SETD5: variants seen among roughly 807,000 people sequenced by gnomAD.
The protein encoded by SETD5 is SET domain containing 5.
In SETD5, 44 loss-of-function variants were observed where a neutral mutation model predicts 153.3. The ratio of observed to expected loss-of-function variants is 0.29; its 90% CI spans 0.23 to 0.37. SETD5 has a LOEUF of 0.37. Ranked by LOEUF, SETD5 falls within the 10% of genes least tolerant of loss-of-function variation. The probability of loss-of-function intolerance (pLI) is 1.00; values close to 1 mark genes in which losing one functional copy is unlikely to be tolerated. For missense variants in SETD5, 1,544 were observed against 1,768.0 expected, an observed-to-expected ratio of 0.87 and a Z score of 2.27; for synonymous variants, 716 against 645.2, an observed-to-expected ratio of 1.11 and a Z score of -1.66.
At chr3:9,437,661 A>G (rs1053173791) in intron 7 of SETD5, among the ~76,000 whole-genome samples, 2 of 152,152 alleles carry the variant, frequency 1.3e-5, no homozygotes, top group Non-Finnish European at 2.9e-5. Flanking sequence ...CCTAAATGAT[A>G]CAAAAGCAGG....
At position 9,448,536 on chromosome 3, in the gene SETD5, C is replaced by G. The variant is rs1351619898; in HGVS notation, c.2252C>G (p.Thr751Ser). The G allele has an allele frequency of 6.2e-7, 1 of 1,613,950 alleles. No homozygotes were observed. The highest frequency in any genetic ancestry group is 2.2e-5 in the East Asian group (1 of 44,880). The change falls in exon 16 of 23, where the codon ACC becomes AGC. Residue 751 changes from threonine (T) to serine (S), a missense_variant. Coordinates refer to ENST00000402198, the MANE Select transcript of SETD5 (RefSeq NM_001080517.3). Reference protein sequence around the residue: ...GLIHSPLICTTPKHYIRFGSP... With the variant: ...GLIHSPLICTSPKHYIRFGSP... ...ATCCATTCCCCGTTAATTTGCACCA[C>G]CCCCAAACACTACATTCGCTTTGGC...
At chr3:9,453,172 C>T (rs140367521) in intron 16 of SETD5, among the ~76,000 whole-genome samples, 107 of 152,170 alleles carry the variant, frequency 7.0e-4, no homozygotes, top group African/African-American at 2.4e-3. Flanking sequence ...TTTAACCAAA[C>T]TACTTGTTGG....
intron 10 of SETD5, among the ~76,000 whole-genome samples, chr3:9,442,609 G>A (rs148714478): frequency 1.0e-3 from 154 of 152,266 alleles, no homozygotes; most frequent in African/African-American, 3.6e-3. Flanking sequence ...AGTGAGTAAT[G>A]TTTTATGAGA....
At chr3:9,446,600 C>T (rs2042043285) in intron 13 of SETD5, among the ~76,000 whole-genome samples, 1 of 151,822 alleles carries the variant, frequency 6.6e-6, no homozygotes, top group Non-Finnish European at 1.5e-5. Context: ...TCAAGCAATT[C>T]CCCTTCCTTA....
At chr3:9,451,603 G>A (rs940831760) in intron 16 of SETD5, among the ~76,000 whole-genome samples, 11 of 152,006 alleles carry the variant, frequency 7.2e-5, no homozygotes, top group African/African-American at 1.2e-4. Context: ...ACACCACCAC[G>A]CCTGGCTAAT....
At chr3:9,452,539 A>C (rs868477886) in intron 16 of SETD5, among the ~76,000 whole-genome samples, 1 of 152,080 alleles carries the variant, frequency 6.6e-6, no homozygotes. Flanking sequence ...ACGTGATTCA[A>C]ATTACCATTG....
intron 7 of SETD5, among the ~76,000 whole-genome samples, chr3:9,437,727 G>T (rs941253055): frequency 6.6e-6 from 1 of 152,096 alleles, no homozygotes; most frequent in Non-Finnish European, 1.5e-5. Context: ...GTAAGGCCAG[G>T]CGCAGTAGCT....
intron 17 of SETD5, among the ~76,000 whole-genome samples, chr3:9,454,313 T>C (rs937483899): frequency 6.6e-6 from 1 of 152,058 alleles, no homozygotes; most frequent in Admixed American, 6.6e-5. Context: ...GCTTGTATAA[T>C]TAGCATACAA....
At chr3:9,441,834 G>C in intron 9 of SETD5, 93 bp downstream of exon 9, 1 of 1,508,190 alleles carries the variant, frequency 6.6e-7, no homozygotes, top group Non-Finnish European at 9.1e-7. Context: ...AGACGCTCTT[G>C]GGAGAAAAAA....
chr3:9,415,113 A>T (rs1021097323), intron 1 of SETD5, among the ~76,000 whole-genome samples: 2 of 152,178 alleles, frequency 1.3e-5, no homozygotes, highest in Non-Finnish European at 2.9e-5. Context: ...AAGTTTAAAT[A>T]TGGTATATGG....
intron 21 of SETD5, 56 bp downstream of exon 21, chr3:9,474,638 G>C: frequency 6.3e-7 from 1 of 1,599,570 alleles, no homozygotes. Flanking sequence ...GCCGAGTCCT[G>C]TACAGTTCAT....
chr3:9,444,892 A>G (rs541724685), intron 11 of SETD5, among the ~76,000 whole-genome samples, 156 bp from the exon 12 acceptor site: 1 of 152,324 alleles, frequency 6.6e-6, no homozygotes, highest in South Asian at 2.1e-4. Context: ...AAAGAAAAAC[A>G]AAAGTATTTA....
intron 10 of SETD5, 198 bp from the exon 11 acceptor site, chr3:9,443,110 A>C: frequency 2.1e-6 from 1 of 473,616 alleles, no homozygotes; most frequent in East Asian, 3.9e-5. Context: ...CATATTTAAG[A>C]AAGTATTATA....
intron 1 of SETD5, among the ~76,000 whole-genome samples, chr3:9,413,649 G>GGT (rs1160123997): frequency 0.083 from 11,714 of 140,392 alleles, 691 homozygotes; most frequent in African/African-American, 0.18. Flanking sequence ...GGGGAGGCGG[G>GGT]GTGTGTGTGT....
In SETD5 at chr3:9,443,388, C is replaced by G. The variant is rs2041542407; in HGVS notation, c.1158C>G (p.Thr386=). ...CCATCACCAAGGATGCTGAGGTCAC[C>G]ATAGCATTTGATTATGAGTATAGTA... The part of the protein sequence containing the change: ...VSAITKDAEV[T]IAFDYEYSNC... Residue 386 remains threonine (T), a synonymous_variant, in exon 11 of 23, where the codon ACC becomes ACG. Coordinates refer to ENST00000402198, the MANE Select transcript of SETD5 (RefSeq NM_001080517.3). 2.0e-6 allele frequency: 3 copies of G among 1,468,064 alleles called. No individual in the cohort carries two copies. Among genetic ancestry groups the G allele is most frequent in the Non-Finnish European group, 2.7e-6 (3 of 1,107,040 alleles). The allele number at this position is 1,468,064 out of a possible 1,614,324, so 90.9% of individuals were successfully genotyped here. A position where few individuals can be genotyped will look rare whatever the true frequency, so the allele number is the denominator to read the frequency against.
In SETD5 at chr3:9,429,276, A is replaced by T. The variant is rs535639388; in HGVS notation, c.71+267A>T. 2.0e-3 allele frequency: 490 copies of T among 249,028 alleles called. 3 individuals carry two copies. Among genetic ancestry groups the T allele is most frequent in the Non-Finnish European group, 3.1e-3 (397 of 126,486 alleles). 15.4% of individuals were successfully genotyped at this position (249,028 alleles called of 1,614,324 possible). On this transcript the variant is annotated intron_variant, in intron 3 of 22. Coordinates refer to ENST00000402198, the MANE Select transcript of SETD5 (RefSeq NM_001080517.3). ...TAGGAATTCATTTTCATTTGTTTTAATGGGTGGAGAAAATTGGAATAAAGT... is the reference window on the plus strand; with the variant it reads ...TAGGAATTCATTTTCATTTGTTTTATTGGGTGGAGAAAATTGGAATAAAGT...
chr3:9,404,422 A>G (rs1424611773), intron 1 of SETD5, among the ~76,000 whole-genome samples: 1 of 152,210 alleles, frequency 6.6e-6, no homozygotes, highest in Non-Finnish European at 1.5e-5. Context: ...TGAGTAATTA[A>G]TTATTATTGT....
chr3:9,398,273 C>T (rs1422742871), intron 1 of SETD5: 2 of 152,110 alleles, frequency 1.3e-5, no homozygotes, highest in East Asian at 1.9e-4. Context: ...ACCCCCTTTC[C>T]TGGGAACTGC....
In SETD5 at chr3:9,467,199, C is replaced by CAAAAA. The variant is rs35894304; in HGVS notation, c.2724+2548_2724+2552dup. 5.2e-3 allele frequency among the ~76,000 whole-genome samples: 214 copies of CAAAAA among 40,784 alleles called. 1 individual carries two copies. Among genetic ancestry groups the CAAAAA allele is most frequent in the East Asian group, 0.013 (19 of 1,462 alleles). The allele number at this position is 40,784 out of a possible 152,430, so 26.8% of individuals were successfully genotyped here. ...TGGGCAACAGAGGGAGACTCTCTCT[C>CAAAAA]AAAAAAAAAAAAAAAAAAAAAAAAA... is the stretch of plus-strand genomic sequence containing the variant. On this transcript the variant is annotated intron_variant, in intron 18 of 22. Coordinates refer to ENST00000402198, the MANE Select transcript of SETD5 (RefSeq NM_001080517.3).
Sources: gnomAD v4.1 joint callset for allele counts (sites outside exome capture counted in the v4.1 genomes callset) on GRCh38, gnomAD v4.1.1 for gene constraint, MANE v1.5 for transcripts, NCBI Gene and HGNC (gene_info 2026-07-23, HGNC 2026-07-21) for gene names.